The following LTBP1 variants were observed in gnomAD, a reference collection of about 807,000 sequenced individuals.
LTBP1 encodes latent transforming growth factor beta binding protein 1, also known as latent-transforming growth factor beta-binding protein 1.
A neutral mutation model predicts 207.6 loss-of-function variants in LTBP1; 129 were observed. That is an observed-to-expected ratio of 0.62 (90% CI 0.54 to 0.72). The LOEUF is 0.72. LTBP1 is among the 30% of genes least tolerant of loss of function. LTBP1 has a pLI of 0.00. For missense variants in LTBP1, 2,281 were observed against 2,217.2 expected (o/e 1.03, Z -0.58); for synonymous variants, 963 against 833.7 (o/e 1.16, Z -2.67).
At chr2:33,054,223 C>A (rs528432529) in intron 3 of LTBP1, among the ~76,000 whole-genome samples, 27 of 152,278 alleles carry the variant, frequency 1.8e-4, no homozygotes, top group African/African-American at 6.5e-4. Context: ...ACTGACCGTT[C>A]GGTTTTTGTA....
intron 2 of LTBP1, among the ~76,000 whole-genome samples, chr2:33,001,305 G>A (rs388601): frequency 7.5e-6 from 1 of 133,790 alleles, no homozygotes; most frequent in Non-Finnish European, 1.6e-5. Context: ...TTTTCTGCAC[G>A]AGAATCATCT....
intron 10 of LTBP1, among the ~76,000 whole-genome samples, chr2:33,245,851 T>C (rs1029192471): frequency 5.3e-5 from 8 of 152,226 alleles, no homozygotes; most frequent in African/African-American, 1.9e-4. Context: ...AATTCTTATA[T>C]TGAAGGTTGC....
At chr2:33,180,906 G>C (rs956240342) in intron 5 of LTBP1, among the ~76,000 whole-genome samples, 1 of 152,214 alleles carries the variant, frequency 6.6e-6, no homozygotes, top group Non-Finnish European at 1.5e-5. Context: ...AACCAGCCCT[G>C]CAAGGGATAT....
intron 3 of LTBP1, among the ~76,000 whole-genome samples, chr2:33,089,208 A>G (rs923136556): frequency 6.6e-6 from 1 of 151,968 alleles, no homozygotes; most frequent in Non-Finnish European, 1.5e-5. Flanking sequence ...AAGAAAATGT[A>G]TGACAAAGTG....
At chr2:33,303,183 A>G (rs960107825) in intron 22 of LTBP1, among the ~76,000 whole-genome samples, 2 of 152,068 alleles carry the variant, frequency 1.3e-5, no homozygotes, top group Non-Finnish European at 1.5e-5. Flanking sequence ...GGAAGAATCT[A>G]TTCTAGAACT....
Position 33,315,235 on chromosome 2 carries a change from T to C in LTBP1, c.3696T>C (p.Gly1232=). 1 of 1,613,082 alleles carries C rather than the reference T, an allele frequency of 6.2e-7. No homozygotes were observed. Among genetic ancestry groups the C allele is most frequent in the Non-Finnish European group, 8.5e-7 (1 of 1,179,802 alleles). ...EGSFHCVCQQ[G]FSISADGRTC... is the part of the protein sequence containing the mutation. ...CTTTCCATTGTGTCTGCCAGCAGGG[T>C]TTCTCAATCTCTGCAGATGGCCGTA... is the stretch of plus-strand genomic sequence containing the variant. Residue 1232 remains glycine, a synonymous_variant, in exon 24 of 34, where the codon GGT becomes GGC. Coordinates refer to ENST00000404816, the MANE Select transcript of LTBP1 (RefSeq NM_206943.4).
At chr2:33,353,930 A>C (rs1282305028) in intron 26 of LTBP1, among the ~76,000 whole-genome samples, 1 of 147,154 alleles carries the variant, frequency 6.8e-6, no homozygotes, top group Non-Finnish European at 1.5e-5. Context: ...CACCATCTTG[A>C]CTCACTGCAA....
At chr2:33,393,166 C>G (rs919909010) in intron 32 of LTBP1, among the ~76,000 whole-genome samples, 1 of 144,802 alleles carries the variant, frequency 6.9e-6, no homozygotes, top group African/African-American at 2.6e-5. Flanking sequence ...GCCCAGTACC[C>G]AATAGTTATT....
At chr2:33,147,503 T>C (rs763212371) in intron 5 of LTBP1, among the ~76,000 whole-genome samples, 7 of 152,250 alleles carry the variant, frequency 4.6e-5, no homozygotes, top group African/African-American at 1.4e-4. Flanking sequence ...ATGTCATCAA[T>C]TAATGATGTT....
At chr2:33,095,695 G>C (rs1044247576) in intron 3 of LTBP1, among the ~76,000 whole-genome samples, 1 of 151,874 alleles carries the variant, frequency 6.6e-6, no homozygotes, top group Non-Finnish European at 1.5e-5. Flanking sequence ...TATGCCCAAG[G>C]ACTTAAAATA....
chr2:33,145,737 G>A (rs1288207657), intron 5 of LTBP1, among the ~76,000 whole-genome samples: 2 of 151,532 alleles, frequency 1.3e-5, no homozygotes, highest in Non-Finnish European at 2.9e-5. Flanking sequence ...GTGTGGAAAT[G>A]AAAAAAAATA....
At chr2:32,983,228 T>C (rs1683038348) in intron 2 of LTBP1, among the ~76,000 whole-genome samples, 1 of 152,240 alleles carries the variant, frequency 6.6e-6, no homozygotes, top group Non-Finnish European at 1.5e-5. Flanking sequence ...ACTGTCCTGT[T>C]GGATTTCAGA....
intron 24 of LTBP1, among the ~76,000 whole-genome samples, chr2:33,331,271 GT>G (rs2094491331): frequency 6.6e-6 from 1 of 151,074 alleles, no homozygotes; most frequent in South Asian, 2.1e-4. Flanking sequence ...ACACTTTGGG[GT>G]TTAAATTGTC....
At chr2:33,155,088 A>G (rs965993016) in intron 5 of LTBP1, among the ~76,000 whole-genome samples, 2 of 151,970 alleles carry the variant, frequency 1.3e-5, no homozygotes, top group African/African-American at 2.4e-5. Flanking sequence ...AAAAAGTTGA[A>G]CTAATTAGTT....
At chr2:33,210,328 C>T (rs1406217289) in intron 7 of LTBP1, among the ~76,000 whole-genome samples, 1 of 152,144 alleles carries the variant, frequency 6.6e-6, no homozygotes, top group East Asian at 1.9e-4. Flanking sequence ...TCTTGTTATT[C>T]CTGATTATGT....
chr2:32,997,849 C>T (rs1339899540), intron 2 of LTBP1, among the ~76,000 whole-genome samples: 1 of 152,198 alleles, frequency 6.6e-6, no homozygotes, highest in African/African-American at 2.4e-5. Context: ...CACCCAGAGA[C>T]CATATTCCAG....
At chr2:33,355,496 A>G (rs1360366636) in intron 26 of LTBP1, among the ~76,000 whole-genome samples, 2 of 152,056 alleles carry the variant, frequency 1.3e-5, no homozygotes, top group Non-Finnish European at 2.9e-5. Context: ...TTTTATTTGT[A>G]TTATTTGTTT....
chr2:33,304,245 C>G (rs371000908), intron 22 of LTBP1, among the ~76,000 whole-genome samples: 18 of 152,252 alleles, frequency 1.2e-4, no homozygotes, highest in Middle Eastern at 3.4e-3. Flanking sequence ...GGAGTCCATC[C>G]AACTAATTTA....
intron 3 of LTBP1, among the ~76,000 whole-genome samples, chr2:33,103,064 G>A (rs2079831409): frequency 6.6e-6 from 1 of 151,822 alleles, no homozygotes; most frequent in African/African-American, 2.4e-5. Context: ...TGCACTGTCT[G>A]TATGCATAAT....
Sources: gnomAD v4.1 joint callset for allele counts (sites outside exome capture counted in the v4.1 genomes callset) on GRCh38, gnomAD v4.1.1 for gene constraint, MANE v1.5 for transcripts, NCBI Gene and HGNC (gene_info 2026-07-23, HGNC 2026-07-21) for gene names.